PCDH15: variants seen among roughly 807,000 people sequenced by gnomAD.
PCDH15 encodes the protein protocadherin related 15, also known as protocadherin-15.
PCDH15 carries 129 observed loss-of-function variants against 178.5 expected under a neutral mutation model. The ratio of observed to expected loss-of-function variants is 0.72; its 90% CI spans 0.63 to 0.84. PCDH15 has a LOEUF of 0.84. Among genes scored for constraint, PCDH15 ranks in the 40% least tolerant of loss-of-function variants. The probability of loss-of-function intolerance (pLI) is 0.00; values close to 1 mark genes in which losing one functional copy is unlikely to be tolerated. For missense variants in PCDH15, 2,230 were observed against 2,099.9 expected, an observed-to-expected ratio of 1.06 and a Z score of -1.21; for synonymous variants, 800 against 732.0, an observed-to-expected ratio of 1.09 and a Z score of -1.50.
intron 16 of PCDH15, among the ~76,000 whole-genome samples, chr10:54,084,200 C>T (rs1272539016): frequency 6.6e-6 from 1 of 151,898 alleles, no homozygotes; most frequent in Non-Finnish European, 1.5e-5. Flanking sequence ...ATTCTCCTGC[C>T]TCAGCCTCCT....
chr10:55,379,691 C>T (rs1414315254), intron 2 of PCDH15, among the ~76,000 whole-genome samples: 1 of 151,914 alleles, frequency 6.6e-6, no homozygotes, highest in African/African-American at 2.4e-5. Context: ...ACTATATTTA[C>T]CCCCACATAC....
At chr10:54,052,303 T>C (rs1265490723) in intron 18 of PCDH15, among the ~76,000 whole-genome samples, 7 of 152,066 alleles carry the variant, frequency 4.6e-5, no homozygotes, top group Non-Finnish European at 1.0e-4. Flanking sequence ...TGGCAGCCCA[T>C]GAAAGCAGTT....
intron 2 of PCDH15, among the ~76,000 whole-genome samples, chr10:54,561,564 G>A (rs551512593): frequency 6.6e-6 from 1 of 152,140 alleles, no homozygotes; most frequent in South Asian, 2.1e-4. Context: ...CCAATCAGCA[G>A]TGGTGATAAC....
chr10:54,242,115 G>T (rs2055368755), intron 8 of PCDH15, among the ~76,000 whole-genome samples: 1 of 102,220 alleles, frequency 9.8e-6, no homozygotes, highest in Admixed American at 1.2e-4. Context: ...TGAACTTTTG[G>T]TCTGAATTCT....
intron 1 of PCDH15, among the ~76,000 whole-genome samples, chr10:55,238,183 T>C (rs1463878628): frequency 1.4e-5 from 2 of 148,130 alleles, no homozygotes; most frequent in Non-Finnish European, 3.0e-5. Flanking sequence ...AGTCTCCCTC[T>C]GTCGCCCAGG....
chr10:54,745,267 G>A (rs1205410934), intron 1 of PCDH15, among the ~76,000 whole-genome samples: 2 of 151,970 alleles, frequency 1.3e-5, no homozygotes, highest in Admixed American at 1.3e-4. Context: ...TAAATTACGT[G>A]TGATTGGAGC....
chr10:54,108,621 A>C (rs778416420), intron 15 of PCDH15, among the ~76,000 whole-genome samples: 2 of 152,104 alleles, frequency 1.3e-5, no homozygotes, highest in Non-Finnish European at 2.9e-5. Flanking sequence ...GACCCACTGG[A>C]CTAGGATGGC....
chr10:54,797,179 T>C (rs972256432), intron 1 of PCDH15, among the ~76,000 whole-genome samples: 1 of 152,008 alleles, frequency 6.6e-6, no homozygotes, highest in Non-Finnish European at 1.5e-5. Context: ...ACTACACATC[T>C]GCCATGGCCT....
intron 2 of PCDH15, among the ~76,000 whole-genome samples, chr10:55,125,736 T>G (rs1431453946): frequency 1.3e-5 from 2 of 152,078 alleles, no homozygotes; most frequent in Non-Finnish European, 2.9e-5. Context: ...TCAGTTTTTT[T>G]GTTTTGTTTG....
intron 1 of PCDH15, among the ~76,000 whole-genome samples, chr10:54,782,554 G>C (rs1412973914): frequency 6.6e-6 from 1 of 152,062 alleles, no homozygotes; most frequent in Middle Eastern, 3.2e-3. Context: ...TTAGTGGCAA[G>C]AATGTCTGTT....
At position 54,767,146 on chromosome 10, in the gene PCDH15, G is replaced by A. The variant is rs192567990; in HGVS notation, c.-29+33779C>T. The stretch of plus-strand genomic sequence containing the variant: ...ACCTTTTCAGGCTTTTGCAAAATAC[G>A]TAACTGTTTGGCTCAAAATTTATTA... On this transcript the variant is annotated intron_variant, in intron 1 of 37. Coordinates refer to ENST00000644397, the MANE Select transcript of PCDH15 (RefSeq NM_001384140.1). Among the ~76,000 whole-genome samples the A allele has an allele frequency of 6.3e-4, 96 of 152,090 alleles. 1 individual carries two copies. In the East Asian group the frequency reaches 0.016, roughly 25 times the overall value.
chr10:54,087,671 T>C (rs2094536147), intron 16 of PCDH15, among the ~76,000 whole-genome samples: 1 of 152,236 alleles, frequency 6.6e-6, no homozygotes, highest in South Asian at 2.1e-4. Context: ...ATGAGCAGAA[T>C]GCTGGCTTAT....
intron 2 of PCDH15, among the ~76,000 whole-genome samples, chr10:55,434,643 T>C (rs539011371): frequency 1.1e-3 from 163 of 151,736 alleles, no homozygotes; most frequent in Middle Eastern, 0.01. Context: ...TCTTGCTCTG[T>C]TGCCCAGGCT....
intron 2 of PCDH15, among the ~76,000 whole-genome samples, chr10:55,444,469 A>T: frequency 6.6e-6 from 1 of 152,136 alleles, no homozygotes. Flanking sequence ...TATTTAGGAA[A>T]TTGGAAAATA....
chr10:54,843,007 T>C (rs1953444938), intron 3 of PCDH15, among the ~76,000 whole-genome samples: 1 of 151,962 alleles, frequency 6.6e-6, no homozygotes, highest in Non-Finnish European at 1.5e-5. Flanking sequence ...AGCTGAAATA[T>C]AGTCCATCTC....
At chr10:53,849,275 CT>C (rs1314734263) in intron 28 of PCDH15, among the ~76,000 whole-genome samples, 1 of 151,430 alleles carries the variant, frequency 6.6e-6, no homozygotes, top group Non-Finnish European at 1.5e-5. Flanking sequence ...AATATGATTT[CT>C]TTTTTTTATA....
rs150026772 is a variant in PCDH15, at chr10:55,231,363, C to T, written c.-155-64712G>A. Among the ~76,000 whole-genome samples the T allele has an allele frequency of 2.8e-4, 42 of 151,910 alleles. No individual in the cohort carries two copies. In the East Asian group the frequency reaches 7.9e-3, roughly 29 times the overall value. On this transcript the variant is annotated intron_variant, in intron 1 of 5. Transcript: ENST00000458638. ...TACAAAGAGTCTTGCATACTGACTCCCGAATAATGTAAAGTTTAAGTCATT... is the reference window on the plus strand; with the variant it reads ...TACAAAGAGTCTTGCATACTGACTCTCGAATAATGTAAAGTTTAAGTCATT...
chr10:54,323,947 C>A (rs1462369885), intron 7 of PCDH15, among the ~76,000 whole-genome samples: 1 of 151,994 alleles, frequency 6.6e-6, no homozygotes, highest in African/African-American at 2.4e-5. Flanking sequence ...TTATGCAAAC[C>A]AGTAGACAGA....
At chr10:55,476,243 A>T (rs1013418544) in intron 2 of PCDH15, among the ~76,000 whole-genome samples, 1 of 152,026 alleles carries the variant, frequency 6.6e-6, no homozygotes, top group African/African-American at 2.4e-5. Context: ...TTCCCTACCC[A>T]CAAAATGCTT....
Sources: allele counts gnomAD v4.1 joint callset (sites outside exome capture counted in the v4.1 genomes callset), GRCh38; gene constraint gnomAD v4.1.1; transcripts MANE v1.5; gene names NCBI Gene and HGNC (gene_info 2026-07-23, HGNC 2026-07-21).